TCF4: variants seen among roughly 807,000 people sequenced by gnomAD.
TCF4 encodes transcription factor 4.
Under a neutral mutation model 82.1 loss-of-function variants are expected in TCF4, and 3 were observed. The observed-to-expected ratio is 0.04, with a 90% CI of 0.02 to 0.09. The LOEUF (loss-of-function observed/expected upper bound fraction) is 0.09. Among genes scored for constraint, TCF4 ranks in the 10% least tolerant of loss-of-function variants. The probability of loss-of-function intolerance (pLI) is 1.00; values close to 1 mark genes in which losing one functional copy is unlikely to be tolerated. For missense variants in TCF4, 518 were observed against 852.7 expected (o/e 0.61, Z 4.89); for synonymous variants, 276 against 309.6 (o/e 0.89, Z 1.14).
intron 5 of TCF4, among the ~76,000 whole-genome samples, chr18:55,419,079 G>A (rs756913814): frequency 6.6e-6 from 1 of 152,042 alleles, no homozygotes; most frequent in East Asian, 1.9e-4. Flanking sequence ...CTGATCCGAG[G>A]GGCTTTTAAG....
chr18:55,270,159 G>A (rs1280961130), intron 10 of TCF4, among the ~76,000 whole-genome samples, 196 bp from the exon 11 acceptor site: 4 of 152,066 alleles, frequency 2.6e-5, no homozygotes, highest in Admixed American at 6.6e-5. Flanking sequence ...AACATAGCTT[G>A]GGTTTGCATC....
At chr18:55,344,677 C>T (rs1423762375) in intron 8 of TCF4, among the ~76,000 whole-genome samples, 1 of 151,974 alleles carries the variant, frequency 6.6e-6, no homozygotes, top group Non-Finnish European at 1.5e-5. Context: ...ATTTTGAATA[C>T]TTGATTAAAA....
intron 3 of TCF4, among the ~76,000 whole-genome samples, chr18:55,517,312 C>G (rs1187643413): frequency 6.6e-6 from 1 of 152,140 alleles, no homozygotes; most frequent in Non-Finnish European, 1.5e-5. Flanking sequence ...CCTGAGCTAT[C>G]CTCTGGAGGC....
intron 8 of TCF4, among the ~76,000 whole-genome samples, chr18:55,339,580 C>T (rs567720762): frequency 1.2e-3 from 179 of 152,210 alleles, no homozygotes; most frequent in African/African-American, 4.1e-3. Context: ...GGACTTTTCC[C>T]GAGGAATCTA....
intron 3 of TCF4, among the ~76,000 whole-genome samples, chr18:55,549,677 C>T (rs1009077809): frequency 2.0e-5 from 3 of 152,098 alleles, no homozygotes; most frequent in African/African-American, 7.2e-5. Flanking sequence ...GATAACAAAG[C>T]CTTCTTCTGG....
chr18:55,619,632 A>G (rs2097715685), intron 2 of TCF4, among the ~76,000 whole-genome samples: 1 of 152,238 alleles, frequency 6.6e-6, no homozygotes, highest in Non-Finnish European at 1.5e-5. Context: ...AGTTTTAAAA[A>G]GTGCCTTAAT....
intron 3 of TCF4, among the ~76,000 whole-genome samples, chr18:55,533,128 C>G (rs1293575825): frequency 6.6e-6 from 1 of 152,150 alleles, no homozygotes; most frequent in Non-Finnish European, 1.5e-5. Flanking sequence ...GTTTAACTAT[C>G]CTTAATATAC....
intron 5 of TCF4, among the ~76,000 whole-genome samples, chr18:55,433,044 G>C (rs1386105691): frequency 1.3e-5 from 2 of 152,168 alleles, no homozygotes; most frequent in African/African-American, 4.8e-5. Context: ...AGTAAAAAAA[G>C]TGCAGTAGTG....
chr18:55,590,110 G>T (rs1362052479), upstream of TCF4, among the ~76,000 whole-genome samples: 1 of 152,096 alleles, frequency 6.6e-6, no homozygotes, highest in Non-Finnish European at 1.5e-5. Flanking sequence ...GTGTAGTTTC[G>T]GCACAAATTT....
chr18:55,401,167 T>C, intron 6 of TCF4: 3 of 1,264,442 alleles, frequency 2.4e-6, no homozygotes, highest in Non-Finnish European at 2.0e-6. Flanking sequence ...AGACACACTA[T>C]GGTCTGTTCT....
intron 3 of TCF4, among the ~76,000 whole-genome samples, chr18:55,509,098 T>C (rs2096795977): frequency 6.6e-6 from 1 of 152,178 alleles, no homozygotes; most frequent in Non-Finnish European, 1.5e-5. Context: ...ATCAGATTAA[T>C]TGGAATTTAA....
chr18:55,251,093 GC>G (rs2054926818), intron 15 of TCF4, among the ~76,000 whole-genome samples: 2 of 152,190 alleles, frequency 1.3e-5, no homozygotes, highest in South Asian at 4.1e-4. Context: ...AATATGCCCA[GC>G]CTTGTCTTGC....
intron 3 of TCF4, among the ~76,000 whole-genome samples, chr18:55,535,882 G>C (rs985318735): frequency 6.6e-6 from 1 of 152,120 alleles, no homozygotes; most frequent in Admixed American, 6.6e-5. Context: ...GCAATTTCAA[G>C]AAAGTAATAT....
chr18:55,312,462 T>C (rs1189334193), intron 8 of TCF4, among the ~76,000 whole-genome samples: 1 of 152,224 alleles, frequency 6.6e-6, no homozygotes, highest in Non-Finnish European at 1.5e-5. Flanking sequence ...AAAAGCACCA[T>C]AAAACCAAAA....
At chr18:55,548,002 G>A (rs748284067) in intron 3 of TCF4, among the ~76,000 whole-genome samples, 4 of 152,164 alleles carry the variant, frequency 2.6e-5, no homozygotes, top group Non-Finnish European at 5.9e-5. Flanking sequence ...TTTCAAGAAC[G>A]CAGCCAGCTT....
At chr18:55,230,110 A>C (rs2047456382) in intron 17 of TCF4, 3 of 141,134 alleles carry the variant, frequency 2.1e-5, no homozygotes, top group African/African-American at 7.8e-5. Context: ...AGGCCACTGC[A>C]CTCCAGCCTG....
intron 3 of TCF4, among the ~76,000 whole-genome samples, chr18:55,507,082 C>T (rs1479825240): frequency 6.6e-6 from 1 of 152,122 alleles, no homozygotes; most frequent in African/African-American, 2.4e-5. Context: ...AGGCTGGTCT[C>T]GATCTCTTGA....
intron 2 of TCF4, among the ~76,000 whole-genome samples, chr18:55,601,362 C>A (rs763666951): frequency 1.3e-4 from 20 of 151,958 alleles, no homozygotes; most frequent in Non-Finnish European, 2.4e-4. Flanking sequence ...GATTCACATT[C>A]CAAAGGATCT....
rs142806723 is a variant in TCF4, at chr18:55,343,710, G to C, written c.549+6649C>G. 1.6e-3 allele frequency among the ~76,000 whole-genome samples: 250 copies of C among 152,236 alleles called. No individual in the cohort carries two copies. The Middle Eastern group carries it at 0.024, about 14-fold the overall frequency. Reference sequence around the variant, plus strand: ...ACTCCTCAAATAGCTCTACACCTATGCAGCAGCTGCAACTTAAAAAAGAAT... The same window carrying C: ...ACTCCTCAAATAGCTCTACACCTATCCAGCAGCTGCAACTTAAAAAAGAAT... On this transcript the variant is annotated intron_variant, in intron 8 of 19. Transcript: ENST00000354452.
Sources: allele counts gnomAD v4.1 joint callset (sites outside exome capture counted in the v4.1 genomes callset), GRCh38; gene constraint gnomAD v4.1.1; transcripts MANE v1.5; gene names NCBI Gene and HGNC (gene_info 2026-07-23, HGNC 2026-07-21).